Variants in ANK2 observed in about 807,000 individuals in gnomAD.
ANK2 encodes ankyrin-2.
ANK2 carries 83 observed loss-of-function variants against 360.5 expected under a neutral mutation model. The observed-to-expected ratio is 0.23, with a 90% CI of 0.19 to 0.28. The LOEUF is 0.28. ANK2 is among the 10% of genes least tolerant of loss of function. The pLI is 1.00. For synonymous variants in ANK2, 1,740 were observed against 1,759.5 expected (o/e 0.99, Z 0.28); for missense variants, 4,201 against 4,795.7 (o/e 0.88, Z 3.66).
At chr4:112,863,615 C>T (rs977881264) in intron 1 of ANK2, among the ~76,000 whole-genome samples, 1 of 150,720 alleles carries the variant, frequency 6.6e-6, no homozygotes, top group Non-Finnish European at 1.5e-5. Context: ...CTCCGCCTCC[C>T]GGGTTCACGC....
chr4:112,957,159 C>T (rs547474007), intron 2 of ANK2, among the ~76,000 whole-genome samples: 49 of 151,326 alleles, frequency 3.2e-4, no homozygotes, highest in Admixed American at 6.6e-4. Flanking sequence ...GAGGACCCTG[C>T]GGCCTTCCGC....
At chr4:112,872,302 G>A (rs180847368) in intron 1 of ANK2, among the ~76,000 whole-genome samples, 4 of 151,400 alleles carry the variant, frequency 2.6e-5, no homozygotes, top group Admixed American at 2.0e-4. Flanking sequence ...AGTGCTTAGA[G>A]TATAGGTGTC....
chr4:113,327,923 A>G (rs987432923), intron 26 of ANK2, among the ~76,000 whole-genome samples: 2 of 152,220 alleles, frequency 1.3e-5, no homozygotes, highest in African/African-American at 2.4e-5. Context: ...AGACACAGTC[A>G]ATGACACAAT....
intron 1 of ANK2, among the ~76,000 whole-genome samples, chr4:113,103,052 G>A (rs2093132194): frequency 6.6e-6 from 1 of 151,984 alleles, no homozygotes; most frequent in Non-Finnish European, 1.5e-5. Context: ...ATTTGCCTAA[G>A]TATTTCATTT....
intron 1 of ANK2, chr4:112,881,688 C>T (rs973102375): frequency 1.4e-5 from 7 of 492,950 alleles, no homozygotes; most frequent in African/African-American, 1.4e-4. Context: ...TAGTCACAAA[C>T]ACAGTTCTCG....
chr4:113,330,393 A>G lies in ANK2; in HGVS notation c.3048A>G (p.Thr1016=), dbSNP rs780201952. 4 of 1,614,106 alleles carry G rather than the reference A, an allele frequency of 2.5e-6. No individual in the cohort carries two copies. Among genetic ancestry groups the G allele is most frequent in the Admixed American group, 1.7e-5 (1 of 60,010 alleles). ...CRLVKRHRLA[T]MPPMVEGEGL... Reference sequence around the variant, plus strand: ...TGGTCAAGCGCCACAGACTGGCAACAATGCCTCCAATGGTGGAAGGAGAAG... The same window carrying G: ...TGGTCAAGCGCCACAGACTGGCAACGATGCCTCCAATGGTGGAAGGAGAAG... The change falls in exon 27 of 46, where the codon ACA becomes ACG. Residue 1016 remains threonine (T), a synonymous_variant. Transcript: ENST00000357077.
rs890916175 is a variant in ANK2, at chr4:113,112,077, A to C, written c.84+62265A>C. ...TGTATGCTAATAAGATGGGGACAAT[A>C]AGAAAGTTTTTATTTTAAATAAAGG... On this transcript the variant is annotated intron_variant, in intron 1 of 45. Coordinates refer to ENST00000357077, the MANE Select transcript of ANK2 (RefSeq NM_001148.6). Among the ~76,000 whole-genome samples, 4 of 152,200 alleles carry C rather than the reference A, an allele frequency of 2.6e-5. No individual in the cohort carries two copies. The East Asian group carries it at 5.8e-4, about 22-fold the overall frequency.
In ANK2 at chr4:113,293,521, G is replaced by A; in HGVS notation, c.2458G>A (p.Val820Ile). Residue 820 changes from valine to isoleucine, a missense_variant, in exon 22 of 46, where the codon GTC becomes ATC. By Grantham distance (29) the Val-to-Ile change is conservative. Around this residue, in one of 4 missense-constraint regions of ANK2, gnomAD observed 1,268 missense variants for 1,650.8 expected, o/e 0.77. Coordinates refer to ENST00000357077, the MANE Select transcript of ANK2 (RefSeq NM_001148.6). ...VDTLKVVTEE[V>I]TTTTTTITEK... is the part of the protein sequence containing the mutation. ...CACCCTGAAGGTTGTGACTGAGGAG[G>A]TCACCACCACCACCACAGTGAGTAT... 6.2e-7 allele frequency: 1 copy of A among 1,613,424 alleles called. No individual in the cohort carries two copies. Among genetic ancestry groups the A allele is most frequent in the South Asian group, 1.1e-5 (1 of 91,054 alleles).
chr4:113,329,578 G>A (rs1054825208), intron 26 of ANK2, among the ~76,000 whole-genome samples: 12 of 152,112 alleles, frequency 7.9e-5, no homozygotes, highest in African/African-American at 2.7e-4. Context: ...TGGTGTATGG[G>A]CGGGCCTACT....
upstream of ANK2, among the ~76,000 whole-genome samples, chr4:112,813,858 G>GC (rs2055467491): frequency 6.6e-6 from 1 of 152,150 alleles, no homozygotes; most frequent in South Asian, 2.1e-4. Context: ...AAAGAAATAG[G>GC]CCTCAATGCT....
intron 18 of ANK2, among the ~76,000 whole-genome samples, chr4:113,285,460 A>G (rs547338422): frequency 1.4e-4 from 21 of 152,310 alleles, no homozygotes; most frequent in African/African-American, 5.1e-4. Flanking sequence ...TTTGAGTTCC[A>G]TTAATTCACT....
intron 1 of ANK2, among the ~76,000 whole-genome samples, chr4:112,835,410 T>C (rs2060785918): frequency 6.6e-6 from 1 of 152,208 alleles, no homozygotes; most frequent in Admixed American, 6.5e-5. Flanking sequence ...TTTTTCCAAC[T>C]GTATTTTCTC....
chr4:113,114,121 G>A (rs924900569), intron 1 of ANK2, among the ~76,000 whole-genome samples: 1 of 152,134 alleles, frequency 6.6e-6, no homozygotes, highest in Non-Finnish European at 1.5e-5. Flanking sequence ...TATACTAATT[G>A]TCTGGGATTT....
chr4:112,972,500 G>A (rs1183705031), intron 2 of ANK2, among the ~76,000 whole-genome samples: 31 of 152,110 alleles, frequency 2.0e-4, no homozygotes, highest in Non-Finnish European at 1.0e-4. Context: ...GAGACCCTGG[G>A]CCTGGTGGTA....
chr4:112,804,267 A>C, the ANK2 span, among the ~76,000 whole-genome samples: 5 of 151,974 alleles, frequency 3.3e-5, no homozygotes, highest in African/African-American at 1.2e-4. Context: ...TGATCTGCGC[A>C]CCTCGGCCTC....
intron 1 of ANK2, among the ~76,000 whole-genome samples, chr4:112,884,599 ATTGT>A (rs1234911566): frequency 1.3e-5 from 2 of 152,034 alleles, no homozygotes; most frequent in African/African-American, 4.8e-5. Flanking sequence ...CCTGCTGACC[ATTGT>A]TTCTCTCCCC....
At chr4:113,136,319 G>A (rs530844709) in intron 1 of ANK2, among the ~76,000 whole-genome samples, 6 of 152,286 alleles carry the variant, frequency 3.9e-5, no homozygotes, top group African/African-American at 1.2e-4. Context: ...GATGCTGAGA[G>A]GGAGGGAGGT....
rs201717651 is a variant in ANK2, at chr4:113,355,219, A to G, written c.6601A>G (p.Ser2201Gly). 3.1e-6 allele frequency: 5 copies of G among 1,614,142 alleles called. No homozygotes were observed. Among genetic ancestry groups the G allele is most frequent in the Admixed American group, 1.7e-5 (1 of 60,016 alleles). ...LSLQSGALDG[S>G]SESLKNEGVA... ...TTTACAAAGCGGTGCTTTAGATGGC[A>G]GTTCTGAAAGCCTAAAGAATGAGGG... The change falls in exon 38 of 46, where the codon AGT (serine) becomes GGT (glycine). Residue 2201 changes from serine to glycine, a missense_variant. Coordinates refer to ENST00000357077, the MANE Select transcript of ANK2 (RefSeq NM_001148.6).
intron 1 of ANK2, among the ~76,000 whole-genome samples, chr4:112,876,221 G>A (rs1311833013): frequency 3.3e-5 from 5 of 152,082 alleles, no homozygotes; most frequent in African/African-American, 4.8e-5. Flanking sequence ...ACAGCTTCAA[G>A]GGATTCACTG....
Sources: gnomAD v4.1 joint callset for allele counts (sites outside exome capture counted in the v4.1 genomes callset) on GRCh38, gnomAD v4.1.1 for gene constraint, gnomAD v4.1.1 regional missense constraint, MANE v1.5 for transcripts, NCBI Gene and HGNC (gene_info 2026-07-23, HGNC 2026-07-21) for gene names.